The following SNX29 variants were observed in gnomAD, a reference collection of about 807,000 sequenced individuals.
SNX29 encodes sorting nexin-29.
A neutral mutation model predicts 102.1 loss-of-function variants in SNX29; 78 were observed. The ratio of observed to expected loss-of-function variants is 0.76; its 90% CI spans 0.64 to 0.92. The LOEUF (loss-of-function observed/expected upper bound fraction) is 0.92. Among genes scored for constraint, SNX29 ranks in the 40% least tolerant of loss-of-function variants. The pLI is 0.00. For synonymous variants in SNX29, 580 were observed against 414.5 expected (o/e 1.40, Z -4.85); for missense variants, 1,280 against 1,061.7 (o/e 1.21, Z -2.86).
intron 20 of SNX29, among the ~76,000 whole-genome samples, chr16:12,552,313 T>C (rs556712451): frequency 1.3e-5 from 2 of 151,868 alleles, no homozygotes; most frequent in Admixed American, 6.6e-5. Context: ...CTAGAAGAGG[T>C]GATAATGGAA....
At chr16:12,034,975 C>T (rs1000409905) in intron 4 of SNX29, among the ~76,000 whole-genome samples, 1 of 151,896 alleles carries the variant, frequency 6.6e-6, no homozygotes, top group African/African-American at 2.4e-5. Flanking sequence ...CGTGCCCTGG[C>T]ACTCCAGCCT....
intron 20 of SNX29, among the ~76,000 whole-genome samples, chr16:12,544,835 CT>C (rs1412785636): frequency 6.6e-6 from 1 of 152,198 alleles, no homozygotes; most frequent in Non-Finnish European, 1.5e-5. Context: ...GCAAGAACTC[CT>C]TGGGGAAATG....
rs937628115 is a variant in SNX29, at chr16:12,567,713, C to T, written c.2319-793C>T. Among the ~76,000 whole-genome samples the T allele has an allele frequency of 5.3e-5, 8 of 152,128 alleles. No individual in the cohort carries two copies. The East Asian group carries it at 5.8e-4, about 11-fold the overall frequency. ...GGAGATCGAGGCTGCAGCAAGTTAT[C>T]ATTACACGATTGCACTGTAAAACCT... On this transcript the variant is annotated intron_variant, in intron 20 of 20. Coordinates refer to ENST00000566228, the MANE Select transcript of SNX29 (RefSeq NM_032167.5).
At chr16:12,502,247 C>G (rs1454092827) in intron 19 of SNX29, among the ~76,000 whole-genome samples, 1 of 152,250 alleles carries the variant, frequency 6.6e-6, no homozygotes, top group East Asian at 1.9e-4. Context: ...GGCATGGGTT[C>G]TGGGGTCAGA....
chr16:12,209,337 G>GT (rs952576789), intron 14 of SNX29, among the ~76,000 whole-genome samples: 1 of 152,144 alleles, frequency 6.6e-6, no homozygotes, highest in African/African-American at 2.4e-5. Flanking sequence ...TTACAGGCGT[G>GT]TGCCACCATG....
At chr16:11,985,502 T>C (rs2055579999) in intron 1 of SNX29, among the ~76,000 whole-genome samples, 1 of 152,206 alleles carries the variant, frequency 6.6e-6, no homozygotes, top group Non-Finnish European at 1.5e-5. Context: ...ATCAGGATTA[T>C]CTTTCTGTCT....
intron 14 of SNX29, among the ~76,000 whole-genome samples, chr16:12,247,567 C>A: frequency 6.6e-6 from 1 of 152,116 alleles, no homozygotes; most frequent in South Asian, 2.1e-4. Context: ...GACATGGGCA[C>A]AGAGTTTCTT....
At chr16:12,256,073 G>A (rs965852591) in intron 14 of SNX29, among the ~76,000 whole-genome samples, 2 of 152,130 alleles carry the variant, frequency 1.3e-5, no homozygotes, top group Non-Finnish European at 2.9e-5. Flanking sequence ...ATCTTAACAG[G>A]TGTGAGGTGC....
intron 4 of SNX29, among the ~76,000 whole-genome samples, chr16:12,029,974 C>G (rs1007000203): frequency 2.0e-5 from 3 of 152,118 alleles, no homozygotes; most frequent in African/African-American, 7.2e-5. Flanking sequence ...CGGGGCCATT[C>G]AGAATATACC....
intron 20 of SNX29, among the ~76,000 whole-genome samples, chr16:12,548,700 A>G (rs1469708790): frequency 1.3e-5 from 2 of 152,190 alleles, no homozygotes; most frequent in Admixed American, 6.5e-5. Flanking sequence ...ACTGCAGGGC[A>G]TTGTACTGGT....
At chr16:12,360,920 T>G (rs1298059702) in intron 16 of SNX29, among the ~76,000 whole-genome samples, 1 of 152,172 alleles carries the variant, frequency 6.6e-6, no homozygotes, top group East Asian at 1.9e-4. Flanking sequence ...GAGCCTGGAT[T>G]CAGACTCCGG....
At position 12,377,485 on chromosome 16, in the gene SNX29, C is replaced by G. The variant is rs559881345; in HGVS notation, c.1900-20961C>G. On this transcript the variant is annotated intron_variant, in intron 16 of 20. Transcript: ENST00000566228. ...AATGGTAAAGCAAGTTCCACAGACA[C>G]ATCTAACTGCAGGTGGGTGGGGAGG... Among the ~76,000 whole-genome samples, 200 of 152,284 alleles carry G rather than the reference C, an allele frequency of 1.3e-3. 1 individual carries two copies. Among genetic ancestry groups the G allele is most frequent in the Non-Finnish European group, 2.5e-3 (168 of 68,026 alleles).
At chr16:12,276,668 A>G (rs997298188) in intron 14 of SNX29, among the ~76,000 whole-genome samples, 1 of 152,182 alleles carries the variant, frequency 6.6e-6, no homozygotes, top group Non-Finnish European at 1.5e-5. Flanking sequence ...GCTAATCCAC[A>G]TTCTTAAACA....
chr16:12,300,683 C>T (rs148103313), intron 15 of SNX29, among the ~76,000 whole-genome samples: 7 of 152,288 alleles, frequency 4.6e-5, no homozygotes, highest in East Asian at 1.9e-4. Flanking sequence ...CTTTGAGTTC[C>T]AGGCACACGT....
At chr16:12,541,657 A>C (rs557716389) in intron 20 of SNX29, among the ~76,000 whole-genome samples, 119 of 152,208 alleles carry the variant, frequency 7.8e-4, no homozygotes, top group Non-Finnish European at 1.2e-3. Flanking sequence ...CCAGCTCCTA[A>C]TGCAGCCGTG....
intron 14 of SNX29, among the ~76,000 whole-genome samples, chr16:12,255,687 G>A (rs970670070): frequency 6.6e-6 from 1 of 152,152 alleles, no homozygotes; most frequent in Non-Finnish European, 1.5e-5. Flanking sequence ...ACGTTTATCC[G>A]TGTCATCACA....
intron 18 of SNX29, among the ~76,000 whole-genome samples, chr16:12,413,431 G>A (rs373720564): frequency 1.7e-3 from 257 of 152,034 alleles, no homozygotes; most frequent in Middle Eastern, 6.8e-3. Flanking sequence ...CTGACTTACC[G>A]AATGGCAGCC....
chr16:12,536,011 C>G (rs571563107), intron 20 of SNX29, among the ~76,000 whole-genome samples: 1 of 152,146 alleles, frequency 6.6e-6, no homozygotes, highest in Admixed American at 6.5e-5. Flanking sequence ...GACACGCACT[C>G]GGAGCTATCC....
intron 8 of SNX29, among the ~76,000 whole-genome samples, chr16:12,060,203 C>A (rs1286748725): frequency 6.6e-6 from 1 of 152,030 alleles, no homozygotes; most frequent in African/African-American, 2.4e-5. Flanking sequence ...ATTTACATAG[C>A]ATTTGGATTG....
Sources: gnomAD v4.1 joint callset for allele counts (sites outside exome capture counted in the v4.1 genomes callset) on GRCh38, gnomAD v4.1.1 for gene constraint, MANE v1.5 for transcripts, NCBI Gene and HGNC (gene_info 2026-07-23, HGNC 2026-07-21) for gene names.